Variants in MIPEP observed in about 807,000 individuals in gnomAD.
MIPEP encodes mitochondrial intermediate peptidase.
In MIPEP, 79 loss-of-function variants were observed where a neutral mutation model predicts 90.3. That is an observed-to-expected ratio of 0.87 (90% CI 0.73 to 1.05). MIPEP has a LOEUF of 1.05. Ranked by LOEUF, MIPEP falls within the 50% of genes least tolerant of loss-of-function variation. The probability of loss-of-function intolerance (pLI) is 0.00; values close to 1 mark genes in which losing one functional copy is unlikely to be tolerated. For missense variants in MIPEP, 940 were observed against 905.6 expected (o/e 1.04, Z -0.49); for synonymous variants, 334 against 315.8 (o/e 1.06, Z -0.61).
At chr13:23,749,549 G>A (rs1952418327) in intron 18 of MIPEP, among the ~76,000 whole-genome samples, 1 of 152,204 alleles carries the variant, frequency 6.6e-6, no homozygotes, top group African/African-American at 2.4e-5. Context: ...TATGGGCAAA[G>A]AGCTTTCTCC....
intron 7 of MIPEP, among the ~76,000 whole-genome samples, chr13:23,865,863 G>T (rs1391266133): frequency 1.3e-5 from 2 of 151,900 alleles, no homozygotes; most frequent in Admixed American, 1.3e-4. Flanking sequence ...TAGAGATGGG[G>T]TTTCACCATG....
At chr13:23,808,146 T>A (rs916395786) in intron 15 of MIPEP, among the ~76,000 whole-genome samples, 1 of 151,866 alleles carries the variant, frequency 6.6e-6, no homozygotes, top group African/African-American at 2.4e-5. Context: ...TCGCCCAGGC[T>A]GGAGTGCAGT....
intron 16 of MIPEP, among the ~76,000 whole-genome samples, chr13:23,787,181 A>T (rs1370137197): frequency 6.6e-6 from 1 of 152,212 alleles, no homozygotes; most frequent in Non-Finnish European, 1.5e-5. Context: ...TTTAAACTAC[A>T]CATCTTAGTT....
At position 23,747,784 on chromosome 13, in the gene MIPEP, G is replaced by A. The variant is rs189913298; in HGVS notation, c.2044+8761C>T. Among the ~76,000 whole-genome samples the A allele has an allele frequency of 2.3e-4, 35 of 152,220 alleles. No individual in the cohort carries two copies. In the East Asian group the frequency reaches 4.6e-3, roughly 20 times the overall value. The stretch of plus-strand genomic sequence containing the variant: ...GAGACGGGGTCTCGCTCTGTTGCCC[G>A]CACTGGAGTGCAGTGGTGTGATTTC... On this transcript the variant is annotated intron_variant, in intron 18 of 18. Transcript: ENST00000382172.
At chr13:23,756,752 T>C (rs2082511623) in intron 17 of MIPEP, 134 bp from the exon 18 acceptor site, 3 of 757,252 alleles carry the variant, frequency 4.0e-6, no homozygotes, top group Non-Finnish European at 4.2e-6. Flanking sequence ...GGCCCCTATT[T>C]TCTTGCTTCT....
At chr13:23,850,075 C>T (rs1869734246) in intron 10 of MIPEP, among the ~76,000 whole-genome samples, 1 of 152,196 alleles carries the variant, frequency 6.6e-6, no homozygotes, top group Non-Finnish European at 1.5e-5. Flanking sequence ...CCCACAGAGG[C>T]TTGTTACAGA....
rs573658778 is a variant in MIPEP at position 23,829,041 on chromosome 13, T to C, written c.1653+7199A>G. On this transcript the variant is annotated intron_variant, in intron 14 of 18. Coordinates refer to ENST00000382172, the MANE Select transcript of MIPEP (RefSeq NM_005932.4). ...GAAAGAGAATCCCACAAACTGACAA[T>C]TGCATGTACATGAGTAATGGCACTG... Among the ~76,000 whole-genome samples the C allele has an allele frequency of 1.3e-4, 20 of 152,218 alleles. No homozygotes were observed. The Middle Eastern group carries it at 0.014, about 104-fold the overall frequency.
chr13:23,763,125 C>T (rs1221211174), intron 16 of MIPEP, among the ~76,000 whole-genome samples: 2 of 152,174 alleles, frequency 1.3e-5, no homozygotes, highest in Non-Finnish European at 2.9e-5. Context: ...TTTTAGAATT[C>T]GTTTACAACA....
At chr13:23,838,888 C>T (rs75563692) in intron 12 of MIPEP, among the ~76,000 whole-genome samples, 6 of 152,364 alleles carry the variant, frequency 3.9e-5, no homozygotes, top group African/African-American at 1.4e-4. Context: ...CTCTAAAATG[C>T]TTCCTTGTCA....
chr13:23,812,687 G>A (rs9580759), intron 14 of MIPEP, among the ~76,000 whole-genome samples: 12,351 of 151,998 alleles, frequency 0.081, 1,701 homozygotes, highest in African/African-American at 0.28. Context: ...AAGAAAATAC[G>A]TATTTAGAAA....
At chr13:23,878,563 G>GA (rs1253325182) in intron 4 of MIPEP, among the ~76,000 whole-genome samples, 4 of 151,882 alleles carry the variant, frequency 2.6e-5, no homozygotes, top group Admixed American at 2.6e-4. Flanking sequence ...AAACAAATGA[G>GA]AAAAAAAATT....
chr13:23,779,237 A>G (rs1952749930), intron 16 of MIPEP, among the ~76,000 whole-genome samples: 1 of 152,216 alleles, frequency 6.6e-6, no homozygotes, highest in Non-Finnish European at 1.5e-5. Context: ...AAGCAGCAGC[A>G]AAAATGTTAT....
At chr13:23,882,456 G>A (rs143513610) in intron 2 of MIPEP, among the ~76,000 whole-genome samples, 31 of 151,852 alleles carry the variant, frequency 2.0e-4, no homozygotes, top group African/African-American at 6.5e-4. Flanking sequence ...ACAAAGGCAC[G>A]GTCTCTTCAT....
At position 23,858,834 on chromosome 13, in the gene MIPEP, G is replaced by A. The variant is rs777885966; in HGVS notation, c.1106+26C>T. On this transcript the variant is annotated intron_variant, in intron 10 of 18. Transcript: ENST00000382172. ...CATTAGTTTCCTTTTTCCTTTTCCT[G>A]TACGGGTATTTCTTGAAAAACTTAC... The A allele has an allele frequency of 5.0e-6, 8 of 1,606,032 alleles. No homozygotes were observed. The South Asian group carries it at 8.8e-5, about 18-fold the overall frequency.
intron 16 of MIPEP, among the ~76,000 whole-genome samples, chr13:23,763,033 C>T (rs543637514): frequency 3.3e-5 from 5 of 152,270 alleles, no homozygotes; most frequent in South Asian, 4.2e-4. Context: ...CTATTTAAAA[C>T]GAAAGCAAAG....
intron 5 of MIPEP, among the ~76,000 whole-genome samples, chr13:23,871,972 T>G (rs1323730842): frequency 6.6e-6 from 1 of 152,148 alleles, no homozygotes; most frequent in Non-Finnish European, 1.5e-5. Flanking sequence ...TGATAAAACC[T>G]CTGGAAAAAT....
Position 23,867,592 on chromosome 13 carries a change from A to G in MIPEP, c.943+1700T>C, listed in dbSNP as rs545683491. On this transcript the variant is annotated intron_variant, in intron 7 of 18. Transcript: ENST00000382172. The stretch of plus-strand genomic sequence containing the variant: ...CCTTGCTCCCAAGAATGTAAACTGC[A>G]TAAGGATAGGAATTTTCTTCTGCTT... Among the ~76,000 whole-genome samples, 24 of 152,340 alleles carry G rather than the reference A, an allele frequency of 1.6e-4. 1 individual carries two copies. The South Asian group carries it at 4.6e-3, about 29-fold the overall frequency.
intron 14 of MIPEP, among the ~76,000 whole-genome samples, chr13:23,827,129 G>A (rs1297114037): frequency 4.0e-5 from 6 of 149,514 alleles, no homozygotes; most frequent in Admixed American, 6.8e-5. Context: ...CCACGTTGGC[G>A]GGGAGTAGTG....
chr13:23,843,438 G>A (rs771211375), intron 10 of MIPEP, among the ~76,000 whole-genome samples: 9 of 152,154 alleles, frequency 5.9e-5, no homozygotes, highest in Non-Finnish European at 1.3e-4. Context: ...TAACTTTTGA[G>A]TATTCAACCT....
Sources: gnomAD v4.1 joint callset for allele counts (sites outside exome capture counted in the v4.1 genomes callset) on GRCh38, gnomAD v4.1.1 for gene constraint, MANE v1.5 for transcripts, NCBI Gene and HGNC (gene_info 2026-07-23, HGNC 2026-07-21) for gene names.